Variants in ADGRA3 observed in about 807,000 individuals in gnomAD.
ADGRA3 encodes G-protein coupled receptor 125.
A neutral mutation model predicts 119.8 loss-of-function variants in ADGRA3; 56 were observed. The observed-to-expected ratio is 0.47, with a 90% CI of 0.38 to 0.58. The LOEUF (loss-of-function observed/expected upper bound fraction) is 0.58, where lower values mean the gene tolerates loss of function less well. Ranked by LOEUF, ADGRA3 falls within the 20% of genes least tolerant of loss-of-function variation. ADGRA3 has a pLI of 0.00. For synonymous variants in ADGRA3, 607 were observed against 623.8 expected, an observed-to-expected ratio of 0.97 and a Z score of 0.40; for missense variants, 1,516 against 1,649.0, an observed-to-expected ratio of 0.92 and a Z score of 1.40.
At chr4:22,435,243 T>C (rs928570438) in intron 10 of ADGRA3, 68 bp downstream of exon 10, 14 of 1,298,026 alleles carry the variant, frequency 1.1e-5, no homozygotes, top group African/African-American at 1.0e-4. Flanking sequence ...TTAAAATACA[T>C]AGATTGAACT....
At chr4:22,423,586 A>G (rs1411154202) in intron 11 of ADGRA3, among the ~76,000 whole-genome samples, 1 of 151,640 alleles carries the variant, frequency 6.6e-6, no homozygotes. Flanking sequence ...TTTATCATAA[A>G]TAAAATTTAA....
chr4:22,464,766 G>A (rs1393270138), intron 2 of ADGRA3, among the ~76,000 whole-genome samples: 1 of 152,228 alleles, frequency 6.6e-6, no homozygotes, highest in Admixed American at 6.5e-5. Flanking sequence ...TATCCCAGGG[G>A]GCTGGGGGGT....
chr4:22,425,661 G>A lies in ADGRA3; in HGVS notation c.1444-1309C>T, dbSNP rs935615623. Among the ~76,000 whole-genome samples the A allele has an allele frequency of 2.6e-5, 4 of 152,142 alleles. No individual in the cohort carries two copies. In the East Asian group the frequency reaches 5.8e-4, roughly 22 times the overall value. On this transcript the variant is annotated intron_variant, in intron 10 of 18. Transcript: ENST00000334304. ...AGTCCCAGTGCAAAGCCAGAAAGCC[G>A]GGTCTGTCTTAAGAGATGTCTTTTG...
At chr4:22,426,525 T>C (rs1214783427) in intron 10 of ADGRA3, among the ~76,000 whole-genome samples, 2 of 152,196 alleles carry the variant, frequency 1.3e-5, no homozygotes, top group African/African-American at 4.8e-5. Context: ...AGCCAGACAC[T>C]GGTGCAACAG....
chr4:22,505,376 G>A (rs1244039563), intron 1 of ADGRA3, among the ~76,000 whole-genome samples: 1 of 152,090 alleles, frequency 6.6e-6, no homozygotes, highest in Non-Finnish European at 1.5e-5. Context: ...TGAAATTCTG[G>A]CCAGGCACTG....
In ADGRA3 at chr4:22,455,644, G is replaced by C. The variant is rs139302938; in HGVS notation, c.402-707C>G. Among the ~76,000 whole-genome samples, 497 of 151,948 alleles carry C rather than the reference G, an allele frequency of 3.3e-3. 3 individuals are homozygous for C. The highest frequency in any genetic ancestry group is 0.011 in the African/African-American group (475 of 41,418). On this transcript the variant is annotated intron_variant, in intron 3 of 18. Coordinates refer to ENST00000334304, the MANE Select transcript of ADGRA3 (RefSeq NM_145290.4). ...ATGAAACCTTTTTCTTTTTACCTATGTAAAAGTTTTAGTTAATATTTTGTT... is the reference window on the plus strand; with the variant it reads ...ATGAAACCTTTTTCTTTTTACCTATCTAAAAGTTTTAGTTAATATTTTGTT...
chr4:22,467,711 A>T (rs1717709977), intron 2 of ADGRA3, among the ~76,000 whole-genome samples: 1 of 152,220 alleles, frequency 6.6e-6, no homozygotes. Flanking sequence ...CATATTAATC[A>T]AGCATTGCCA....
Position 22,413,811 on chromosome 4 carries a change from T to C in ADGRA3, c.1813A>G (p.Thr605Ala). The C allele has an allele frequency of 7.5e-6, 12 of 1,597,494 alleles. No homozygotes were observed. Among genetic ancestry groups the C allele is most frequent in the Non-Finnish European group, 1.0e-5 (12 of 1,173,660 alleles). The change falls in exon 13 of 19, where the codon ACT becomes GCT. Residue 605 changes from threonine (T) to alanine (A), a missense_variant. Thr to Ala is a moderately conservative substitution (Grantham distance 58, BLOSUM62 0). This residue lies in a region of ADGRA3 where 1,088 missense variants were observed against 1,107.1 expected (regional missense o/e 0.98). Coordinates refer to ENST00000334304, the MANE Select transcript of ADGRA3 (RefSeq NM_145290.4). ...NTFSSLALKN[T>A]IVEASIQLPP... Reference sequence around the variant, plus strand: ...AGCTGAATAGAAGCCTCCACAATAGTATTCTGAAAAAATATATATACATAA... The same window carrying C: ...AGCTGAATAGAAGCCTCCACAATAGCATTCTGAAAAAATATATATACATAA...
chr4:22,453,212 A>AAAAAG (rs1717120921), intron 4 of ADGRA3, among the ~76,000 whole-genome samples: 2 of 81,808 alleles, frequency 2.4e-5, no homozygotes, highest in South Asian at 5.4e-4. Context: ...AAAAAAAAAA[A>AAAAAG]AAAAAGAAAG....
chr4:22,430,473 C>G (rs1178352325), intron 10 of ADGRA3, among the ~76,000 whole-genome samples: 1 of 152,150 alleles, frequency 6.6e-6, no homozygotes. Context: ...TGGCAGCATT[C>G]TGCCCCTGCT....
At chr4:22,421,881 C>CCAAAAAAAAAAAAAAAAAAAAAAA (rs767609157) in intron 11 of ADGRA3, among the ~76,000 whole-genome samples, 5 of 70,426 alleles carry the variant, frequency 7.1e-5, no homozygotes, top group African/African-American at 2.6e-4. Flanking sequence ...ACTCAGTCTC[C>CCAAAAAAAAAAAAAAAAAAAAAAA]AAAAAAAAAA....
At chr4:22,501,459 TTA>T (rs1158965407) in intron 1 of ADGRA3, among the ~76,000 whole-genome samples, 2 of 152,086 alleles carry the variant, frequency 1.3e-5, no homozygotes, top group Non-Finnish European at 2.9e-5. Context: ...CCATTAAGGC[TTA>T]TCAGTTTCAT....
Position 22,449,444 on chromosome 4 carries a change from G to T in ADGRA3, c.474-1933C>A, listed in dbSNP as rs565793757. On this transcript the variant is annotated intron_variant, in intron 4 of 18. Transcript: ENST00000334304. Reference sequence around the variant, plus strand: ...AACTGAAGTGCTAAGACAGGGTAATGGGTACACACACATTCCTTATATGTA... The same window carrying T: ...AACTGAAGTGCTAAGACAGGGTAATTGGTACACACACATTCCTTATATGTA... Among the ~76,000 whole-genome samples the T allele has an allele frequency of 3.3e-5, 5 of 152,186 alleles. No homozygotes were observed. The East Asian group carries it at 7.7e-4, about 24-fold the overall frequency.
chr4:22,465,909 A>G (rs1476666682), intron 2 of ADGRA3, among the ~76,000 whole-genome samples: 2 of 152,186 alleles, frequency 1.3e-5, no homozygotes, highest in East Asian at 3.9e-4. Flanking sequence ...TTGAAAAACT[A>G]AGTTATTTTA....
At chr4:22,511,782 C>T (rs1242208141) in intron 1 of ADGRA3, among the ~76,000 whole-genome samples, 1 of 152,112 alleles carries the variant, frequency 6.6e-6, no homozygotes, top group East Asian at 1.9e-4. Context: ...AGCAGCATAA[C>T]CAGATACTGT....
chr4:22,395,739 C>T (rs1714322828), intron 16 of ADGRA3, among the ~76,000 whole-genome samples: 1 of 152,138 alleles, frequency 6.6e-6, no homozygotes, highest in Non-Finnish European at 1.5e-5. Context: ...GTCCTAGTGA[C>T]TTAGGGAAGT....
chr4:22,472,050 T>G (rs1369503642), intron 2 of ADGRA3, among the ~76,000 whole-genome samples: 1 of 152,176 alleles, frequency 6.6e-6, no homozygotes, highest in Non-Finnish European at 1.5e-5. Context: ...ACATCAATCT[T>G]AGGTGCCAAA....
rs763992189 is a variant in ADGRA3, at chr4:22,438,261, G to A, written c.1080C>T (p.Asp360=). The part of the protein sequence containing the change: ...PPERVVNNKG[D]FRWPRTLAGI... Reference sequence around the variant, plus strand: ...GTATTTTCCACAACACTGACCTGAAGTCACCTTTGTTGTTTACCACCCTCT... The same window carrying A: ...GTATTTTCCACAACACTGACCTGAAATCACCTTTGTTGTTTACCACCCTCT... Residue 360 remains aspartate (D), a synonymous_variant, in exon 8 of 19, where the codon GAC becomes GAT. Transcript: ENST00000334304. 3.1e-6 allele frequency: 5 copies of A among 1,610,228 alleles called. No individual in the cohort carries two copies. The highest frequency in any genetic ancestry group is 4.2e-6 in the Non-Finnish European group (5 of 1,178,352).
chr4:22,435,827 T>G (rs569213781), intron 9 of ADGRA3, among the ~76,000 whole-genome samples: 1 of 152,196 alleles, frequency 6.6e-6, no homozygotes, highest in African/African-American at 2.4e-5. Context: ...ATACCTCCCT[T>G]GGAGCTCCTA....
Sources: gnomAD v4.1 joint callset for allele counts (sites outside exome capture counted in the v4.1 genomes callset) on GRCh38, gnomAD v4.1.1 for gene constraint, gnomAD v4.1.1 regional missense constraint, MANE v1.5 for transcripts, NCBI Gene and HGNC (gene_info 2026-07-23, HGNC 2026-07-21) for gene names.